CXCL13: variants seen among roughly 807,000 people sequenced by gnomAD.
CXCL13 encodes the protein C-X-C motif chemokine ligand 13.
In CXCL13, 7 loss-of-function variants were observed where a neutral mutation model predicts 12.2. The ratio of observed to expected loss-of-function variants is 0.57; its 90% confidence interval spans 0.33 to 1.07. The LOEUF (loss-of-function observed/expected upper bound fraction) is 1.07, where lower values mean the gene tolerates loss of function less well. Ranked by LOEUF, CXCL13 falls within the 50% of genes least tolerant of loss-of-function variation. The pLI is 0.04. For missense variants in CXCL13, 113 were observed against 127.4 expected (o/e 0.89, Z 0.55); for synonymous variants, 47 against 42.4 (o/e 1.11, Z -0.42).
chr4:77,604,113 A>C (rs568247924), upstream of CXCL13, among the ~76,000 whole-genome samples: 13 of 152,290 alleles, frequency 8.5e-5, no homozygotes, highest in African/African-American at 3.1e-4. Context: ...GACAGCCTCT[A>C]CTGATAACCT....
rs192286489 is a variant in CXCL13 at position 77,519,509 on chromosome 4, A to T, written c.-43+7721A>T. Reference sequence around the variant, plus strand: ...TTTCATGTGTCTGTTGGCTGCATAAATGTCCTCTTTTGAGAAGTGTCTGTT... The same window carrying T: ...TTTCATGTGTCTGTTGGCTGCATAATTGTCCTCTTTTGAGAAGTGTCTGTT... On this transcript the variant is annotated intron_variant, in intron 1 of 4. Transcript: ENST00000286758. 8.7e-4 allele frequency among the ~76,000 whole-genome samples: 132 copies of T among 152,268 alleles called. 1 individual carries two copies. Among genetic ancestry groups the T allele is most frequent in the African/African-American group, 2.8e-3 (117 of 41,540 alleles).
intron 1 of CXCL13, among the ~76,000 whole-genome samples, chr4:77,551,771 CTT>C: frequency 1.3e-5 from 2 of 152,124 alleles, no homozygotes; most frequent in South Asian, 4.1e-4. Flanking sequence ...TTCTCAAAGA[CTT>C]TGTTTATTTT....
chr4:77,532,784 A>G (rs903281644), intron 1 of CXCL13, among the ~76,000 whole-genome samples: 3 of 151,926 alleles, frequency 2.0e-5, no homozygotes, highest in Non-Finnish European at 1.5e-5. Context: ...TTTTGGCTTC[A>G]TTTCACTCAT....
chr4:77,559,446 C>A (rs1039938313), intron 1 of CXCL13, among the ~76,000 whole-genome samples: 1 of 152,162 alleles, frequency 6.6e-6, no homozygotes, highest in African/African-American at 2.4e-5. Context: ...ATGTGGACGA[C>A]CTTGAGAAGG....
intron 1 of CXCL13, among the ~76,000 whole-genome samples, chr4:77,545,337 C>T (rs1250581197): frequency 6.6e-6 from 1 of 152,074 alleles, no homozygotes; most frequent in Non-Finnish European, 1.5e-5. Context: ...TTACCTTGGA[C>T]AGTATGGCCA....
chr4:77,550,373 A>G (rs1325328117), intron 1 of CXCL13, among the ~76,000 whole-genome samples: 1 of 152,160 alleles, frequency 6.6e-6, no homozygotes, highest in Non-Finnish European at 1.5e-5. Flanking sequence ...TCCCAATGAG[A>G]CGAACCCAGT....
chr4:77,595,871 C>T (rs1383978567), intron 1 of CXCL13, among the ~76,000 whole-genome samples: 1 of 152,154 alleles, frequency 6.6e-6, no homozygotes, highest in Non-Finnish European at 1.5e-5. Flanking sequence ...GTTTTCTGTC[C>T]CACTTCCTAA....
At chr4:77,521,669 C>T (rs1724604384) in intron 1 of CXCL13, among the ~76,000 whole-genome samples, 1 of 151,946 alleles carries the variant, frequency 6.6e-6, no homozygotes, top group Admixed American at 6.6e-5. Flanking sequence ...AAAAACAGCT[C>T]CTGGATTCAT....
chr4:77,595,755 C>T (rs1447919204), intron 1 of CXCL13, among the ~76,000 whole-genome samples: 1 of 152,212 alleles, frequency 6.6e-6, no homozygotes, highest in Non-Finnish European at 1.5e-5. Flanking sequence ...CACTGCTGTC[C>T]TGTGGAGGCT....
rs191787559 is a variant in CXCL13 at position 77,519,272 on chromosome 4, G to A, written c.-43+7484G>A. Among the ~76,000 whole-genome samples the A allele has an allele frequency of 9.2e-5, 14 of 152,276 alleles. No homozygotes were observed. In the East Asian group the frequency reaches 9.7e-4, roughly 11 times the overall value. On this transcript the variant is annotated intron_variant, in intron 1 of 4. Coordinates refer to the CXCL13 transcript ENST00000286758. ...GGGACCCACTTGAGGCAGTCTGCCC[G>A]TTCTCAGATCTCCAGCTGCGTGCTG... is the stretch of plus-strand genomic sequence containing the variant.
At chr4:77,610,802 G>T in intron 3 of CXCL13, 108 bp downstream of exon 3, 11 of 973,360 alleles carry the variant, frequency 1.1e-5, no homozygotes, top group Non-Finnish European at 1.8e-5. Flanking sequence ...AAGTTCCTAA[G>T]ACAAATGTGT....
intron 1 of CXCL13, among the ~76,000 whole-genome samples, chr4:77,539,060 C>CTTT (rs34238488): frequency 7.1e-6 from 1 of 141,698 alleles, no homozygotes; most frequent in Non-Finnish European, 1.5e-5. Flanking sequence ...CTAATTTGAC[C>CTTT]TTTTTTTTTT....
At chr4:77,557,260 C>T (rs761055725) in intron 1 of CXCL13, among the ~76,000 whole-genome samples, 5 of 152,200 alleles carry the variant, frequency 3.3e-5, no homozygotes, top group Non-Finnish European at 7.3e-5. Flanking sequence ...CCAATTTTAA[C>T]TCAGTCTCCT....
chr4:77,516,572 T>C (rs1042490681), intron 1 of CXCL13, among the ~76,000 whole-genome samples: 1 of 152,226 alleles, frequency 6.6e-6, no homozygotes, highest in Non-Finnish European at 1.5e-5. Context: ...CCATTTCTTC[T>C]AGATTTTCTA....
chr4:77,554,605 A>T (rs1003125164), intron 1 of CXCL13, among the ~76,000 whole-genome samples: 2 of 152,168 alleles, frequency 1.3e-5, no homozygotes, highest in Non-Finnish European at 2.9e-5. Flanking sequence ...ATATTTACAG[A>T]ACAACATTTC....
intron 1 of CXCL13, among the ~76,000 whole-genome samples, chr4:77,569,266 G>A (rs956741333): frequency 1.3e-5 from 2 of 152,276 alleles, no homozygotes; most frequent in Non-Finnish European, 1.5e-5. Flanking sequence ...CTTGGCCAGA[G>A]CAATCAGGCA....
chr4:77,570,331 G>C (rs758055255), intron 1 of CXCL13, among the ~76,000 whole-genome samples: 20 of 152,182 alleles, frequency 1.3e-4, no homozygotes, highest in Non-Finnish European at 2.6e-4. Context: ...TAAACAGACA[G>C]CCTACATAAT....
upstream of CXCL13, among the ~76,000 whole-genome samples, chr4:77,605,352 A>G (rs77642039): frequency 1.1e-3 from 160 of 152,356 alleles, 5 homozygotes; most frequent in East Asian, 0.023. Flanking sequence ...ATAAAGAGAC[A>G]TTCATTTGCT....
intron 1 of CXCL13, among the ~76,000 whole-genome samples, chr4:77,546,870 G>A (rs1380251441): frequency 3.3e-5 from 5 of 152,176 alleles, no homozygotes; most frequent in South Asian, 4.2e-4. Context: ...TTCTCTTATG[G>A]GCATTTAGTG....
Sources: gnomAD v4.1 joint callset for allele counts (sites outside exome capture counted in the v4.1 genomes callset) on GRCh38, gnomAD v4.1.1 for gene constraint, MANE v1.5 for transcripts, NCBI Gene and HGNC (gene_info 2026-07-23, HGNC 2026-07-21) for gene names.